TRMT44: variants seen among roughly 807,000 people sequenced by gnomAD.
The protein encoded by TRMT44 is tRNA methyltransferase 44 homolog, also known as probable tRNA (uracil-O(2)-)-methyltransferase.
Under a neutral mutation model 77.3 loss-of-function variants are expected in TRMT44, and 78 were observed. That is an observed-to-expected ratio of 1.01 (90% CI 0.84 to 1.22). The LOEUF is 1.22. Among genes scored for constraint, TRMT44 ranks in the 50% most tolerant of loss-of-function variants. The pLI is 0.00. For synonymous variants in TRMT44, 391 were observed against 383.3 expected, an observed-to-expected ratio of 1.02 and a Z score of -0.23; for missense variants, 1,090 against 964.4, an observed-to-expected ratio of 1.13 and a Z score of -1.73.
chr4:8,505,945 G>A, the TRMT44 span, among the ~76,000 whole-genome samples: 5 of 152,178 alleles, frequency 3.3e-5, no homozygotes, highest in Non-Finnish European at 7.3e-5. Context: ...ATGATTGTAA[G>A]TTTCCTGAGG....
chr4:8,455,912 G>A (rs1454100014), intron 6 of TRMT44, among the ~76,000 whole-genome samples: 1 of 152,052 alleles, frequency 6.6e-6, no homozygotes. Context: ...CAGATGAAAT[G>A]CATAACCTAG....
intron 9 of TRMT44, among the ~76,000 whole-genome samples, chr4:8,469,082 G>T (rs1193635341): frequency 6.6e-6 from 1 of 152,222 alleles, no homozygotes; most frequent in African/African-American, 2.4e-5. Context: ...TCTTCTCCAG[G>T]CTTTGCTTTC....
rs1030987842 is a variant in TRMT44, at chr4:8,446,034, G to A, written c.620-442G>A. ...GCAAGGGCTCCACACAACATAAAGC[G>A]GTTGTTAGGAAGGCCTGGACTGATA... On this transcript the variant is annotated intron_variant, in intron 1 of 10. Transcript: ENST00000389737. The surrounding 1 kb of genome is among the most constrained non-coding windows in gnomAD (Gnocchi z 4.3). Among the ~76,000 whole-genome samples, 2 of 152,310 alleles carry A rather than the reference G, an allele frequency of 1.3e-5. No individual in the cohort carries two copies. Among genetic ancestry groups the A allele is most frequent in the East Asian group, 3.9e-4 (2 of 5,188 alleles).
intron 10 of TRMT44, chr4:8,473,421 G>C (rs529754087): frequency 6.6e-6 from 1 of 152,538 alleles, no homozygotes; most frequent in African/African-American, 2.4e-5. Flanking sequence ...AGAGAGGTCA[G>C]TGCGCCGGCC....
chr4:8,445,839 C>T (rs1725022450), intron 1 of TRMT44, among the ~76,000 whole-genome samples: 1 of 151,992 alleles, frequency 6.6e-6, no homozygotes, highest in African/African-American at 2.4e-5. Context: ...ACAGAGTTTG[C>T]AATTTTTTTT....
At chr4:8,466,485 G>A (rs1726555821) in intron 8 of TRMT44, among the ~76,000 whole-genome samples, 1 of 152,364 alleles carries the variant, frequency 6.6e-6, no homozygotes, top group East Asian at 1.9e-4. Context: ...CGTGCACCAG[G>A]AGCAGCGTTG....
chr4:8,471,956 C>T (rs951105964), intron 10 of TRMT44, among the ~76,000 whole-genome samples: 5 of 151,708 alleles, frequency 3.3e-5, no homozygotes, highest in African/African-American at 1.2e-4. Context: ...GGCAGGGAGC[C>T]ATGGTTTACC....
At chr4:8,497,482 A>G (rs1191159718), downstream of TRMT44, among the ~76,000 whole-genome samples, 1 of 152,180 alleles carries the variant, frequency 6.6e-6, no homozygotes, top group Non-Finnish European at 1.5e-5. Context: ...CATCTCTACT[A>G]AAAATACAAA....
intron 10 of TRMT44, among the ~76,000 whole-genome samples, chr4:8,474,344 G>T (rs187860918): frequency 2.6e-4 from 40 of 152,274 alleles, no homozygotes; most frequent in Middle Eastern, 6.8e-3. Flanking sequence ...GCAGAGTGTC[G>T]CGGGACTGCC....
chr4:8,472,010 CTTT>C (rs35572027), intron 10 of TRMT44, among the ~76,000 whole-genome samples: 1 of 147,346 alleles, frequency 6.8e-6, no homozygotes. Context: ...CTTTGTGGCG[CTTT>C]TTTTTTTTTT....
At chr4:8,514,722 G>C in the TRMT44 span, among the ~76,000 whole-genome samples, 1 of 152,156 alleles carries the variant, frequency 6.6e-6, no homozygotes, top group South Asian at 2.1e-4. Flanking sequence ...CAGTTGGGGG[G>C]CAGCGCTACA....
At chr4:8,466,157 T>A (rs73213423) in intron 8 of TRMT44, among the ~76,000 whole-genome samples, 20,995 of 152,158 alleles carry the variant, frequency 0.14, 2,298 homozygotes, top group African/African-American at 0.3. Context: ...AGCTCACCTA[T>A]GTCTCTGGTA....
chr4:8,481,374 A>C (rs191184138), downstream of TRMT44, among the ~76,000 whole-genome samples: 11 of 152,370 alleles, frequency 7.2e-5, no homozygotes, highest in African/African-American at 1.4e-4. Flanking sequence ...CCTTGGGCAC[A>C]TGTTCTCAGG....
intron 3 of TRMT44, 53 bp downstream of exon 3, chr4:8,449,941 TTTCTTTTC>T: frequency 4.2e-6 from 3 of 713,666 alleles, no homozygotes; most frequent in African/African-American, 5.4e-5. Flanking sequence ...TTTCTTTTCT[TTTCTTTTC>T]TTTTTTTTTT....
chr4:8,465,620 G>T, intron 8 of TRMT44, 59 bp downstream of exon 8: 1 of 1,453,920 alleles, frequency 6.9e-7, no homozygotes, highest in Non-Finnish European at 9.4e-7. Context: ...GGAGAGCTCA[G>T]GGCTCTGCCA....
At chr4:8,453,888 T>C (rs918740950) in intron 5 of TRMT44, among the ~76,000 whole-genome samples, 2 of 152,244 alleles carry the variant, frequency 1.3e-5, no homozygotes, top group Non-Finnish European at 2.9e-5. Flanking sequence ...CATATTTGTC[T>C]ACACCTGTAA....
intron 8 of TRMT44, among the ~76,000 whole-genome samples, chr4:8,467,421 C>G (rs756459299): frequency 6.6e-6 from 1 of 152,108 alleles, no homozygotes; most frequent in Non-Finnish European, 1.5e-5. Flanking sequence ...TGGGCTCTTA[C>G]TGTTTTTTTA....
At chr4:8,480,103 G>C (rs1235691151), downstream of TRMT44, among the ~76,000 whole-genome samples, 2 of 152,102 alleles carry the variant, frequency 1.3e-5, no homozygotes, top group Non-Finnish European at 2.9e-5. Context: ...GCGAATATTT[G>C]AGTTGTCAGT....
At chr4:8,502,730 T>G in the TRMT44 span, among the ~76,000 whole-genome samples, 1,098 of 152,346 alleles carry the variant, frequency 7.2e-3, 10 homozygotes, top group African/African-American at 0.025. Context: ...GTTATGATCT[T>G]ATGCAAGGCT....
Sources: allele counts gnomAD v4.1 joint callset (sites outside exome capture counted in the v4.1 genomes callset), GRCh38; gene constraint gnomAD v4.1.1; non-coding constraint Gnocchi (gnomAD v3.1); transcripts MANE v1.5; gene names NCBI Gene and HGNC (gene_info 2026-07-23, HGNC 2026-07-21).